WDR7: variants seen among roughly 807,000 people sequenced by gnomAD.
The protein encoded by WDR7 is WD repeat-containing protein 7.
In WDR7, 46 loss-of-function variants were observed where a neutral mutation model predicts 169.4. The ratio of observed to expected loss-of-function variants is 0.27; its 90% confidence interval spans 0.21 to 0.35. The LOEUF is 0.35. WDR7 is among the 10% of genes least tolerant of loss of function. The pLI is 1.00. For missense variants in WDR7, 1,534 were observed against 1,859.3 expected (o/e 0.83, Z 3.22); for synonymous variants, 612 against 666.8 (o/e 0.92, Z 1.27).
intron 16 of WDR7, among the ~76,000 whole-genome samples, chr18:56,772,332 A>C (rs1241873158): frequency 1.3e-5 from 2 of 152,166 alleles, no homozygotes; most frequent in Non-Finnish European, 2.9e-5. Flanking sequence ...TTGTGACCTG[A>C]CATGGTCATC....
intron 27 of WDR7, among the ~76,000 whole-genome samples, chr18:57,025,177 G>C (rs2048349995): frequency 6.6e-6 from 1 of 152,146 alleles, no homozygotes; most frequent in Non-Finnish European, 1.5e-5. Context: ...TATGCCCCTT[G>C]CATTTTGAAT....
intron 27 of WDR7, among the ~76,000 whole-genome samples, chr18:57,021,547 A>G (rs1406996867): frequency 1.3e-5 from 2 of 152,232 alleles, no homozygotes; most frequent in Admixed American, 6.5e-5. Context: ...GATCTCACGT[A>G]GTCTTTGGTA....
chr18:56,919,457 C>CA (rs1318908305), intron 21 of WDR7, among the ~76,000 whole-genome samples: 1 of 151,678 alleles, frequency 6.6e-6, no homozygotes, highest in African/African-American at 2.4e-5. Context: ...GACAAAAACT[C>CA]ATTGTTTGAG....
intron 20 of WDR7, among the ~76,000 whole-genome samples, chr18:56,823,548 T>G (rs2045140329): frequency 6.6e-6 from 1 of 152,140 alleles, no homozygotes; most frequent in South Asian, 2.1e-4. Context: ...ATCACATCCC[T>G]GCGCTCCAGC....
intron 19 of WDR7, among the ~76,000 whole-genome samples, chr18:56,803,392 TTGTGTGTGTA>T (rs2044711855): frequency 6.6e-6 from 1 of 152,132 alleles, no homozygotes; most frequent in African/African-American, 2.4e-5. Flanking sequence ...ATTTGTGTGT[TTGTGTGTGTA>T]TGTGTTTAGA....
At chr18:56,696,550 T>C in intron 12 of WDR7, 88 bp downstream of exon 12, 1 of 1,102,088 alleles carries the variant, frequency 9.1e-7, no homozygotes, top group Non-Finnish European at 1.3e-6. Flanking sequence ...TAGACTAACT[T>C]AAAGGAAGTG....
intron 20 of WDR7, among the ~76,000 whole-genome samples, chr18:56,860,310 C>G (rs1040215209): frequency 1.3e-5 from 2 of 152,130 alleles, no homozygotes; most frequent in Non-Finnish European, 2.9e-5. Flanking sequence ...GTGCATGCTT[C>G]AATACATTTA....
At chr18:56,698,212 G>T (rs1025511312) in intron 12 of WDR7, among the ~76,000 whole-genome samples, 3 of 151,870 alleles carry the variant, frequency 2.0e-5, no homozygotes, top group Non-Finnish European at 4.4e-5. Context: ...AAAAAGTTTG[G>T]AATGGCTTAC....
intron 13 of WDR7, among the ~76,000 whole-genome samples, chr18:56,724,808 A>T (rs1011434940): frequency 6.6e-6 from 1 of 151,670 alleles, no homozygotes; most frequent in Non-Finnish European, 1.5e-5. Context: ...CCGCTCTCCC[A>T]CCACCCCACA....
At chr18:56,963,067 C>G (rs1169338032) in intron 26 of WDR7, among the ~76,000 whole-genome samples, 2 of 152,122 alleles carry the variant, frequency 1.3e-5, no homozygotes, top group African/African-American at 4.8e-5. Flanking sequence ...TAACACTTCA[C>G]TGTTTGTGAA....
rs2044183403 is a variant in WDR7 at position 56,772,699 on chromosome 18, ATATACC to A, written c.2849-4078_2849-4073del. Among the ~76,000 whole-genome samples, 8 of 151,322 alleles carry A rather than the reference ATATACC, an allele frequency of 5.3e-5. No homozygotes were observed. In the South Asian group the frequency reaches 1.7e-3, roughly 31 times the overall value. On this transcript the variant is annotated intron_variant, in intron 16 of 27. Transcript: ENST00000254442. ...CGTATAGAGATATATATCATATAAA[ATATACC>A]TATATAATAGAAAAATCTAAAATAA...
chr18:56,678,566 G>A (rs1401331717), intron 2 of WDR7, among the ~76,000 whole-genome samples: 4 of 151,890 alleles, frequency 2.6e-5, no homozygotes, highest in African/African-American at 4.8e-5. Context: ...GAGCGATCTC[G>A]GCTCACTGCA....
chr18:56,884,666 A>G (rs781509434), intron 21 of WDR7, among the ~76,000 whole-genome samples: 6 of 152,168 alleles, frequency 3.9e-5, no homozygotes, highest in Non-Finnish European at 7.4e-5. Context: ...CTGAGCTCAG[A>G]CATGCCTAAC....
intron 19 of WDR7, among the ~76,000 whole-genome samples, chr18:56,807,360 C>A (rs1406739953): frequency 3.9e-5 from 6 of 152,054 alleles, no homozygotes; most frequent in Non-Finnish European, 7.4e-5. Flanking sequence ...GGTTGAACAA[C>A]ATAGTCTTTG....
chr18:56,694,046 T>C (rs1231489758), intron 9 of WDR7, among the ~76,000 whole-genome samples: 2 of 152,102 alleles, frequency 1.3e-5, no homozygotes, highest in Middle Eastern at 3.4e-3. Flanking sequence ...AGTTTTTTTT[T>C]TTTTCCTGTA....
rs535337482 is a variant in WDR7 at position 57,028,488 on chromosome 18, G to T, written c.*1281G>T. 1 of 152,322 alleles carries T rather than the reference G, an allele frequency of 6.6e-6. No individual in the cohort carries two copies. The highest frequency in any genetic ancestry group is 2.4e-5 in the African/African-American group (1 of 41,586). 9.4% of individuals were successfully genotyped at this position (152,322 alleles called of 1,614,324 possible). A position where few individuals can be genotyped will look rare whatever the true frequency, so the allele number is the denominator to read the frequency against. On this transcript the variant is annotated 3_prime_UTR_variant, in exon 28 of 28. Transcript: ENST00000254442. ...GATCTGTATATACTTGTGAGGGGTT[G>T]TTTGGTTGCCTAATTGTTGATTGGT...
chr18:56,967,174 A>G (rs191601746), intron 26 of WDR7, among the ~76,000 whole-genome samples: 35 of 151,564 alleles, frequency 2.3e-4, no homozygotes, highest in Non-Finnish European at 4.7e-4. Context: ...AGCCTGCTCA[A>G]TAGGGAGCGC....
At chr18:56,887,309 T>A (rs2046210518) in intron 21 of WDR7, among the ~76,000 whole-genome samples, 1 of 152,262 alleles carries the variant, frequency 6.6e-6, no homozygotes, top group Non-Finnish European at 1.5e-5. Flanking sequence ...TTTGCATGAT[T>A]TCTCCTCAAC....
chr18:56,995,370 A>G (rs2047884295), intron 26 of WDR7, among the ~76,000 whole-genome samples: 1 of 152,190 alleles, frequency 6.6e-6, no homozygotes, highest in South Asian at 2.1e-4. Context: ...GGTATAAATG[A>G]TTGTAGAATG....
Sources: gnomAD v4.1 joint callset for allele counts (sites outside exome capture counted in the v4.1 genomes callset) on GRCh38, gnomAD v4.1.1 for gene constraint, MANE v1.5 for transcripts, NCBI Gene and HGNC (gene_info 2026-07-23, HGNC 2026-07-21) for gene names.